SEMA3E: variants seen among roughly 807,000 people sequenced by gnomAD.
The protein encoded by SEMA3E is semaphorin-3E.
Under a neutral mutation model 93.6 loss-of-function variants are expected in SEMA3E, and 49 were observed. The ratio of observed to expected loss-of-function variants is 0.52; its 90% CI spans 0.42 to 0.66. The LOEUF (loss-of-function observed/expected upper bound fraction) is 0.66. Among genes scored for constraint, SEMA3E ranks in the 30% least tolerant of loss-of-function variants. SEMA3E has a pLI of 0.00. For synonymous variants in SEMA3E, 363 were observed against 330.7 expected, an observed-to-expected ratio of 1.10 and a Z score of -1.06; for missense variants, 906 against 964.8, an observed-to-expected ratio of 0.94 and a Z score of 0.81.
intron 4 of SEMA3E, among the ~76,000 whole-genome samples, chr7:83,457,821 A>G (rs1443744719): frequency 6.6e-6 from 1 of 152,122 alleles, no homozygotes; most frequent in Non-Finnish European, 1.5e-5. Context: ...AACTTATCCC[A>G]GTTTTATCTC....
intron 4 of SEMA3E, among the ~76,000 whole-genome samples, chr7:83,463,084 T>A (rs560854847): frequency 6.7e-6 from 1 of 150,278 alleles, no homozygotes; most frequent in South Asian, 2.2e-4. Flanking sequence ...CCTCATCTGT[T>A]ACCTATCTCG....
intron 12 of SEMA3E, among the ~76,000 whole-genome samples, chr7:83,395,086 T>C (rs541537797): frequency 6.6e-6 from 1 of 152,348 alleles, no homozygotes; most frequent in Non-Finnish European, 1.5e-5. Context: ...TTTTATTTTT[T>C]ATTTTTACTT....
At chr7:83,487,179 C>T (rs750244374) in intron 2 of SEMA3E, among the ~76,000 whole-genome samples, 6 of 152,088 alleles carry the variant, frequency 3.9e-5, no homozygotes, top group Non-Finnish European at 8.8e-5. Flanking sequence ...TCAATTTCCC[C>T]TGCTCTGAAG....
intron 1 of SEMA3E, among the ~76,000 whole-genome samples, chr7:83,503,012 CTT>C (rs71074668): frequency 7.6e-5 from 10 of 131,164 alleles, no homozygotes; most frequent in Admixed American, 7.7e-5. Context: ...CTTTCTCTCT[CTT>C]TTTTTTTTTT....
At chr7:83,587,841 A>C (rs1027860625) in intron 1 of SEMA3E, among the ~76,000 whole-genome samples, 1 of 151,974 alleles carries the variant, frequency 6.6e-6, no homozygotes, top group Non-Finnish European at 1.5e-5. Flanking sequence ...AATTTTTTCA[A>C]CCCAATAAAG....
intron 1 of SEMA3E, among the ~76,000 whole-genome samples, chr7:83,595,129 T>C (rs950982061): frequency 6.6e-6 from 1 of 152,056 alleles, no homozygotes; most frequent in African/African-American, 2.4e-5. Flanking sequence ...GCTAGAGTCA[T>C]GTTTGAATGA....
At chr7:83,625,939 C>T (rs1218771923) in intron 1 of SEMA3E, among the ~76,000 whole-genome samples, 2 of 152,046 alleles carry the variant, frequency 1.3e-5, no homozygotes, top group Non-Finnish European at 2.9e-5. Context: ...TTATCAAAGG[C>T]CTTTTCTGCA....
intron 4 of SEMA3E, among the ~76,000 whole-genome samples, chr7:83,430,383 T>G (rs1788856434): frequency 6.6e-6 from 1 of 151,736 alleles, no homozygotes; most frequent in Admixed American, 6.6e-5. Context: ...GAGAATGACT[T>G]GAACCCAGGA....
At chr7:83,638,968 G>A (rs987005629) in intron 1 of SEMA3E, among the ~76,000 whole-genome samples, 5 of 150,952 alleles carry the variant, frequency 3.3e-5, no homozygotes, top group African/African-American at 7.3e-5. Flanking sequence ...AAAATTAGCC[G>A]GGCGTAGTGG....
chr7:83,394,067 T>A (rs940119406), intron 13 of SEMA3E, among the ~76,000 whole-genome samples: 1 of 152,194 alleles, frequency 6.6e-6, no homozygotes, highest in African/African-American at 2.4e-5. Flanking sequence ...GTCTGCAGTA[T>A]AACACTGTAC....
chr7:83,479,754 G>T (rs1160745536), intron 2 of SEMA3E, among the ~76,000 whole-genome samples: 1 of 152,194 alleles, frequency 6.6e-6, no homozygotes, highest in Non-Finnish European at 1.5e-5. Context: ...GTAGTGTTCA[G>T]ATGGGAGCCC....
At chr7:83,374,155 G>A (rs1794787257) in intron 16 of SEMA3E, among the ~76,000 whole-genome samples, 1 of 142,916 alleles carries the variant, frequency 7.0e-6, no homozygotes, top group African/African-American at 2.7e-5. Flanking sequence ...GCGATAAGCC[G>A]AGATCACGCC....
At chr7:83,610,930 A>ACC (rs1793239261) in intron 1 of SEMA3E, among the ~76,000 whole-genome samples, 1 of 152,018 alleles carries the variant, frequency 6.6e-6, no homozygotes, top group Admixed American at 6.6e-5. Context: ...GCAAACTGAT[A>ACC]AACACCTTCT....
intron 1 of SEMA3E, among the ~76,000 whole-genome samples, chr7:83,608,837 A>G (rs1793184616): frequency 1.3e-5 from 2 of 152,218 alleles, no homozygotes; most frequent in African/African-American, 4.8e-5. Context: ...GCATATTAAA[A>G]CACTCGAAGT....
At chr7:83,500,190 T>C (rs1438791348) in intron 1 of SEMA3E, among the ~76,000 whole-genome samples, 1 of 152,140 alleles carries the variant, frequency 6.6e-6, no homozygotes, top group Non-Finnish European at 1.5e-5. Flanking sequence ...GTAATCCCAA[T>C]ACTTTGGGAG....
At chr7:83,521,698 T>C (rs571387132) in intron 1 of SEMA3E, among the ~76,000 whole-genome samples, 8 of 152,184 alleles carry the variant, frequency 5.3e-5, no homozygotes, top group African/African-American at 1.9e-4. Context: ...GGCTGTCTTC[T>C]GGTGTTGTCC....
At chr7:83,611,171 C>G (rs909613833) in intron 1 of SEMA3E, among the ~76,000 whole-genome samples, 1 of 149,980 alleles carries the variant, frequency 6.7e-6, no homozygotes, top group African/African-American at 2.4e-5. Flanking sequence ...TAAGAAATCC[C>G]GTCTCTTACC....
intron 4 of SEMA3E, among the ~76,000 whole-genome samples, chr7:83,442,937 C>T (rs1425482393): frequency 1.3e-5 from 2 of 152,132 alleles, no homozygotes; most frequent in African/African-American, 2.4e-5. Context: ...AGCAACTCTC[C>T]TTCTTAGTAG....
chr7:83,414,414 CCATT>C (rs1271887838), intron 5 of SEMA3E, among the ~76,000 whole-genome samples: 29 of 151,958 alleles, frequency 1.9e-4, no homozygotes, highest in African/African-American at 7.0e-4. Context: ...ATTCTAACTC[CCATT>C]CATTCAATTG....
Sources: allele counts gnomAD v4.1 joint callset (sites outside exome capture counted in the v4.1 genomes callset), GRCh38; gene constraint gnomAD v4.1.1; transcripts MANE v1.5; gene names NCBI Gene and HGNC (gene_info 2026-07-23, HGNC 2026-07-21).